ZNF253: variants seen among roughly 807,000 people sequenced by gnomAD.
ZNF253 encodes DNA-binding protein.
In ZNF253, 8 loss-of-function variants were observed where a neutral mutation model predicts 11.9. The ratio of observed to expected loss-of-function variants is 0.67; its 90% confidence interval spans 0.40 to 1.22. The LOEUF (loss-of-function observed/expected upper bound fraction) is 1.22. Among genes scored for constraint, ZNF253 ranks in the 50% most tolerant of loss-of-function variants. The pLI, the probability that ZNF253 is intolerant of heterozygous loss-of-function variation, is 0.01. For synonymous variants in ZNF253, 194 were observed against 194.9 expected (o/e 1.00, Z 0.04); for missense variants, 485 against 586.9 (o/e 0.83, Z 1.79).
chr19:19,884,611 A>T (rs1022902134), intron 3 of ZNF253, among the ~76,000 whole-genome samples: 1 of 152,136 alleles, frequency 6.6e-6, no homozygotes, highest in Non-Finnish European at 1.5e-5. Context: ...ACCTCAGGTG[A>T]TCTGCCCACC....
chr19:19,885,964 C>T (rs999355795), intron 3 of ZNF253, among the ~76,000 whole-genome samples: 1 of 152,138 alleles, frequency 6.6e-6, no homozygotes, highest in Non-Finnish European at 1.5e-5. Flanking sequence ...TTAGAAAACA[C>T]ACAGTGTATA....
intron 3 of ZNF253, among the ~76,000 whole-genome samples, chr19:19,890,230 C>T (rs73925530): frequency 0.066 from 9,968 of 152,136 alleles, 757 homozygotes; most frequent in African/African-American, 0.18. Context: ...TTAGTTAAAT[C>T]GGCTTATTCA....
chr19:19,881,522 G>C (rs2063177647), intron 3 of ZNF253, among the ~76,000 whole-genome samples: 1 of 151,876 alleles, frequency 6.6e-6, no homozygotes, highest in African/African-American at 2.4e-5. Context: ...GGTGGCGCAT[G>C]CCTGTAATCC....
chr19:19,892,556 T>TC lies in ZNF253; in HGVS notation c.1310dup (p.Thr438AsnfsTer6). On this transcript the variant is annotated frameshift_variant, in exon 4 of 4. Coordinates refer to ENST00000589717, the MANE Select transcript of ZNF253 (RefSeq NM_021047.3). LOFTEE classifies it low-confidence loss of function (END_TRUNC). ...ATGTGGCAAATCCTTTACTGCATCC[T>TC]CAACTCTAACTACACATAAGAGAAT... 2 of 1,613,586 alleles carry TC rather than the reference T, an allele frequency of 1.2e-6. No individual in the cohort carries two copies. The highest frequency in any genetic ancestry group is 1.7e-6 in the Non-Finnish European group (2 of 1,179,864).
At chr19:19,890,183 T>C (rs189115683) in intron 3 of ZNF253, among the ~76,000 whole-genome samples, 1 of 152,306 alleles carries the variant, frequency 6.6e-6, no homozygotes, top group East Asian at 1.9e-4. Context: ...AAACATGTTT[T>C]TAGGATGTGT....
At chr19:19,873,024 C>T in intron 1 of ZNF253, among the ~76,000 whole-genome samples, 1 of 152,122 alleles carries the variant, frequency 6.6e-6, no homozygotes, top group East Asian at 1.9e-4. Context: ...TAACAAAAGG[C>T]ATTTTCTGTA....
At chr19:19,885,304 TTC>T (rs1383855268) in intron 3 of ZNF253, among the ~76,000 whole-genome samples, 1 of 45,348 alleles carries the variant, frequency 2.2e-5, no homozygotes, top group Admixed American at 2.5e-4. Context: ...TTTCTTTTCT[TTC>T]TTTCTTTCTT....
chr19:19,881,520 A>G (rs1289296470), intron 3 of ZNF253, among the ~76,000 whole-genome samples: 1 of 151,928 alleles, frequency 6.6e-6, no homozygotes. Flanking sequence ...ATGGTGGCGC[A>G]TGCCTGTAAT....
rs1051500688 is a variant in ZNF253 at position 19,872,585 on chromosome 19, A to T, written c.4-5896A>T. Among the ~76,000 whole-genome samples, 58 of 90,466 alleles carry T rather than the reference A, an allele frequency of 6.4e-4. 1 individual carries two copies. Among genetic ancestry groups the T allele is most frequent in the African/African-American group, 2.2e-3 (36 of 16,428 alleles). The allele number at this position is 90,466 out of a possible 152,430, so 59.3% of individuals were successfully genotyped here. ...ACTATATATATATATATATATTATT[A>T]TATATATATATATATAATCAAGTTT... is the stretch of plus-strand genomic sequence containing the variant. On this transcript the variant is annotated intron_variant, in intron 1 of 3. Coordinates refer to ENST00000589717, the MANE Select transcript of ZNF253 (RefSeq NM_021047.3).
In ZNF253 at chr19:19,877,990, C is replaced by T. The variant is rs545795271; in HGVS notation, c.4-491C>T. On this transcript the variant is annotated intron_variant, in intron 1 of 3. Coordinates refer to ENST00000589717, the MANE Select transcript of ZNF253 (RefSeq NM_021047.3). ...ATTTACTCAATGTTTGACAAAATAC[C>T]GTTCTTGGGCCAAAAACATTCGCAT... Among the ~76,000 whole-genome samples, 95 of 152,056 alleles carry T rather than the reference C, an allele frequency of 6.2e-4. 2 individuals are homozygous for T. The highest frequency in any genetic ancestry group is 1.3e-3 in the Non-Finnish European group (86 of 68,002).
At chr19:19,869,040 A>AT (rs2063122295) in intron 1 of ZNF253, among the ~76,000 whole-genome samples, 1 of 152,064 alleles carries the variant, frequency 6.6e-6, no homozygotes, top group South Asian at 2.1e-4. Flanking sequence ...TGAAAAGTTT[A>AT]TTTTTTTCAT....
intron 1 of ZNF253, among the ~76,000 whole-genome samples, chr19:19,867,573 T>G (rs2063116863): frequency 1.3e-5 from 2 of 152,206 alleles, no homozygotes; most frequent in Admixed American, 1.3e-4. Flanking sequence ...TTTGCAATGT[T>G]GCCCAGGTTG....
intron 1 of ZNF253, among the ~76,000 whole-genome samples, chr19:19,866,961 C>T (rs1203511950): frequency 6.6e-6 from 1 of 152,072 alleles, no homozygotes; most frequent in Non-Finnish European, 1.5e-5. Flanking sequence ...AAAAGTTGGT[C>T]CTAAGAACAA....
chr19:19,883,740 T>G (rs1307484774), intron 3 of ZNF253, among the ~76,000 whole-genome samples: 1 of 152,120 alleles, frequency 6.6e-6, no homozygotes, highest in Non-Finnish European at 1.5e-5. Context: ...AACTTTCTGT[T>G]TTATGATTTT....
chr19:19,893,534 T>G lies in ZNF253; in HGVS notation c.*787T>G, dbSNP rs1263486853. 6.6e-6 allele frequency: 1 copy of G among 152,074 alleles called. No individual in the cohort carries two copies. The highest frequency in any genetic ancestry group is 1.5e-5 in the Non-Finnish European group (1 of 68,010). The allele number at this position is 152,074 out of a possible 1,614,324, so 9.4% of individuals were successfully genotyped here. A position where few individuals can be genotyped will look rare whatever the true frequency, so the allele number is the denominator to read the frequency against. On this transcript the variant is annotated 3_prime_UTR_variant, in exon 4 of 4. Transcript: ENST00000589717. ...GTGATAGAAGTCATACTGCCAAAAC[T>G]CCTGTAAGTGTGAAGAATGTGGCAA... is the stretch of plus-strand genomic sequence containing the variant.
chr19:19,892,809 G>T lies in ZNF253; in HGVS notation c.*62G>T. On this transcript the variant is annotated 3_prime_UTR_variant, in exon 4 of 4. Coordinates refer to ENST00000589717, the MANE Select transcript of ZNF253 (RefSeq NM_021047.3). ...GTGGGAAAGCCTTTAACCAGCCCTC[G>T]ACTCTTAGTAAATTTGAGAGTTTAT... is the stretch of plus-strand genomic sequence containing the variant. 6.9e-7 allele frequency: 1 copy of T among 1,440,604 alleles called. No individual in the cohort carries two copies. Among genetic ancestry groups the T allele is most frequent in the South Asian group, 1.4e-5 (1 of 72,226 alleles). The allele number at this position is 1,440,604 out of a possible 1,614,324, so 89.2% of individuals were successfully genotyped here.
chr19:19,891,795 G>A lies in ZNF253; in HGVS notation c.548G>A (p.Arg183Gln), dbSNP rs764373867. The A allele has an allele frequency of 3.9e-5, 63 of 1,613,786 alleles. No homozygotes were observed. The highest frequency in any genetic ancestry group is 5.0e-5 in the Non-Finnish European group (59 of 1,179,952). Residue 183 changes from arginine to glutamine, a missense_variant, in exon 4 of 4, where the codon CGG becomes CAG. By Grantham distance (43) the Arg-to-Gln change is conservative. Transcript: ENST00000589717. ...KCIICGKAFK[R>Q]SSTLTTHKKI... ...ATAATATGTGGCAAAGCTTTTAAACGGTCCTCAACCCTTACTACACATAAG... is the reference window on the plus strand; with the variant it reads ...ATAATATGTGGCAAAGCTTTTAAACAGTCCTCAACCCTTACTACACATAAG...
At chr19:19,888,825 T>C (rs897008792) in intron 3 of ZNF253, among the ~76,000 whole-genome samples, 2 of 152,220 alleles carry the variant, frequency 1.3e-5, no homozygotes, top group African/African-American at 4.8e-5. Context: ...GATCATGTGT[T>C]GTTTTCTTGT....
At chr19:19,874,161 C>T (rs1019453345) in intron 1 of ZNF253, among the ~76,000 whole-genome samples, 24 of 152,200 alleles carry the variant, frequency 1.6e-4, no homozygotes, top group African/African-American at 5.5e-4. Flanking sequence ...CTGCCCGCCT[C>T]GGCCTCCCAA....
Sources: allele counts gnomAD v4.1 joint callset (sites outside exome capture counted in the v4.1 genomes callset), GRCh38; gene constraint gnomAD v4.1.1; transcripts MANE v1.5; gene names NCBI Gene and HGNC (gene_info 2026-07-23, HGNC 2026-07-21).